The following SLC2A9 variants were observed in gnomAD, a reference collection of about 807,000 sequenced individuals.
The protein encoded by SLC2A9 is solute carrier family 2 member 9.
In SLC2A9, 39 loss-of-function variants were observed where a neutral mutation model predicts 50.6. That is an observed-to-expected ratio of 0.77 (90% confidence interval 0.60 to 1.01). SLC2A9 has a LOEUF of 1.01. Ranked by LOEUF, SLC2A9 falls within the 50% of genes least tolerant of loss-of-function variation. The pLI, the probability that SLC2A9 is intolerant of heterozygous loss-of-function variation, is 0.00. For missense variants in SLC2A9, 686 were observed against 677.6 expected (o/e 1.01, Z -0.14); for synonymous variants, 324 against 276.9 (o/e 1.17, Z -1.69).
chr4:9,823,768 G>C (rs1415168670), downstream of SLC2A9, among the ~76,000 whole-genome samples: 1 of 152,200 alleles, frequency 6.6e-6, no homozygotes, highest in Non-Finnish European at 1.5e-5. Flanking sequence ...GTTTGGAATT[G>C]AGATGATGCA....
At chr4:9,962,554 C>A (rs1401021411) in intron 5 of SLC2A9, among the ~76,000 whole-genome samples, 1 of 152,130 alleles carries the variant, frequency 6.6e-6, no homozygotes, top group East Asian at 1.9e-4. Flanking sequence ...ACAACACACA[C>A]TGGGGCCTAT....
chr4:9,955,494 C>CAAAA (rs71181004), intron 5 of SLC2A9, among the ~76,000 whole-genome samples: 2 of 23,666 alleles, frequency 8.5e-5, no homozygotes, highest in African/African-American at 2.7e-4. Flanking sequence ...GACTCCGTCT[C>CAAAA]AAAAAAAAAA....
intron 5 of SLC2A9, among the ~76,000 whole-genome samples, chr4:9,952,074 G>A (rs1387908328): frequency 6.6e-6 from 1 of 152,164 alleles, no homozygotes; most frequent in Non-Finnish European, 1.5e-5. Flanking sequence ...CCCTGGTCCT[G>A]CCACTTACTG....
At chr4:9,991,743 C>G (rs1166602974) in intron 3 of SLC2A9, among the ~76,000 whole-genome samples, 1 of 152,164 alleles carries the variant, frequency 6.6e-6, no homozygotes, top group African/African-American at 2.4e-5. Flanking sequence ...CAGGGATGCA[C>G]ACACACAGGG....
chr4:9,876,687 A>G (rs1734370006), intron 10 of SLC2A9, among the ~76,000 whole-genome samples: 1 of 152,194 alleles, frequency 6.6e-6, no homozygotes, highest in Non-Finnish European at 1.5e-5. Flanking sequence ...GAAATTTCAC[A>G]TTTATATAAT....
intron 4 of SLC2A9, 97 bp from the exon 5 acceptor site, chr4:9,980,834 CA>C: frequency 6.7e-7 from 1 of 1,502,116 alleles, no homozygotes; most frequent in Non-Finnish European, 9.2e-7. Context: ...TTGCCCTGGA[CA>C]TTAAATAGCA....
At chr4:9,808,533 G>A (rs1423628377) in intron 3 of SLC2A9, among the ~76,000 whole-genome samples, 1 of 152,152 alleles carries the variant, frequency 6.6e-6, no homozygotes, top group Non-Finnish European at 1.5e-5. Flanking sequence ...AGTAATAATA[G>A]TAGTAATAAC....
chr4:9,951,948 C>T (rs537496054), intron 5 of SLC2A9, among the ~76,000 whole-genome samples: 1 of 152,342 alleles, frequency 6.6e-6, no homozygotes, highest in South Asian at 2.1e-4. Context: ...AAGGCAGAGG[C>T]TAAAGCACTG....
intron 7 of SLC2A9, among the ~76,000 whole-genome samples, chr4:9,917,019 G>A (rs1367011879): frequency 2.0e-5 from 3 of 152,140 alleles, no homozygotes; most frequent in Admixed American, 6.5e-5. Flanking sequence ...ACAGTGGAGG[G>A]GCAGGAACTG....
At chr4:9,995,359 A>G (rs1758459813) in intron 3 of SLC2A9, among the ~76,000 whole-genome samples, 1 of 152,200 alleles carries the variant, frequency 6.6e-6, no homozygotes, top group South Asian at 2.1e-4. Flanking sequence ...CAGGTATCAC[A>G]GACCCTCATA....
At chr4:9,862,361 T>C (rs1731790223) in intron 10 of SLC2A9, among the ~76,000 whole-genome samples, 1 of 152,080 alleles carries the variant, frequency 6.6e-6, no homozygotes, top group Admixed American at 6.5e-5. Context: ...TGTTGCTTCT[T>C]TCAACATTTA....
intron 3 of SLC2A9, among the ~76,000 whole-genome samples, chr4:9,780,466 T>G (rs1160637807): frequency 6.6e-6 from 1 of 152,026 alleles, no homozygotes; most frequent in East Asian, 1.9e-4. Flanking sequence ...AGGGACTGTG[T>G]AGGCTGAGCA....
At chr4:9,834,819 C>T in intron 11 of SLC2A9, 62 bp downstream of exon 11, 2 of 1,610,738 alleles carry the variant, frequency 1.2e-6, no homozygotes, top group South Asian at 2.2e-5. Flanking sequence ...CTATGAATCA[C>T]CCCTCAAGTG....
At chr4:9,924,904 T>G (rs1744618511) in intron 6 of SLC2A9, among the ~76,000 whole-genome samples, 1 of 152,150 alleles carries the variant, frequency 6.6e-6, no homozygotes, top group African/African-American at 2.4e-5. Context: ...CCTGCCTTAG[T>G]TCAGGCCTCA....
chr4:9,941,553 G>A (rs1023843510), intron 6 of SLC2A9, among the ~76,000 whole-genome samples: 8 of 152,134 alleles, frequency 5.3e-5, no homozygotes, highest in African/African-American at 1.2e-4. Context: ...AAGGAGGGCC[G>A]CCATGCACCT....
At chr4:9,953,362 C>T (rs981608115) in intron 5 of SLC2A9, among the ~76,000 whole-genome samples, 14 of 152,244 alleles carry the variant, frequency 9.2e-5, no homozygotes, top group Non-Finnish European at 1.9e-4. Context: ...CATGCTGTTG[C>T]TTAAAGAGCT....
intron 3 of SLC2A9, among the ~76,000 whole-genome samples, chr4:9,785,262 G>C (rs986480744): frequency 1.2e-4 from 19 of 152,184 alleles, no homozygotes; most frequent in African/African-American, 4.6e-4. Context: ...ACCCAATTGT[G>C]CTTTGTGATG....
At chr4:9,801,349 C>T (rs1353253454) in intron 3 of SLC2A9, among the ~76,000 whole-genome samples, 1 of 152,180 alleles carries the variant, frequency 6.6e-6, no homozygotes, top group African/African-American at 2.4e-5. Flanking sequence ...AAGCTAAATA[C>T]AATTTGGGGG....
intron 6 of SLC2A9, among the ~76,000 whole-genome samples, chr4:9,931,919 T>C (rs1364099589): frequency 6.1e-5 from 1 of 16,412 alleles, no homozygotes; most frequent in Non-Finnish European, 9.6e-5. Context: ...AATGACTCTC[T>C]CTCTCTCTCT....
Sources: gnomAD v4.1 joint callset for allele counts (sites outside exome capture counted in the v4.1 genomes callset) on GRCh38, gnomAD v4.1.1 for gene constraint, MANE v1.5 for transcripts, NCBI Gene and HGNC (gene_info 2026-07-23, HGNC 2026-07-21) for gene names.